Variants in BCAS4 observed in about 807,000 individuals in gnomAD.
BCAS4 encodes the protein breast carcinoma-amplified sequence 4.
BCAS4 carries 9 observed loss-of-function variants against 15.7 expected under a neutral mutation model. That is an observed-to-expected ratio of 0.57 (90% CI 0.34 to 1.00). The LOEUF is 1.00. Ranked by LOEUF, BCAS4 falls within the 50% of genes least tolerant of loss-of-function variation. The pLI is 0.02. For synonymous variants in BCAS4, 101 were observed against 99.5 expected, an observed-to-expected ratio of 1.02 and a Z score of -0.09; for missense variants, 225 against 239.1, an observed-to-expected ratio of 0.94 and a Z score of 0.39.
intron 1 of BCAS4, among the ~76,000 whole-genome samples, chr20:50,797,900 G>T: frequency 6.6e-6 from 1 of 151,800 alleles, no homozygotes. Context: ...CCTAGCCTCA[G>T]GTGATCTGCC....
At chr20:50,829,951 G>A (rs1249045298) in intron 2 of BCAS4, among the ~76,000 whole-genome samples, 1 of 152,188 alleles carries the variant, frequency 6.6e-6, no homozygotes, top group African/African-American at 2.4e-5. Flanking sequence ...TTGGTTTAGA[G>A]AAGAGATTCT....
chr20:50,843,348 A>G (rs992764836), intron 4 of BCAS4, among the ~76,000 whole-genome samples: 1 of 152,194 alleles, frequency 6.6e-6, no homozygotes, highest in African/African-American at 2.4e-5. Context: ...TGTGCTGGGT[A>G]CTAACAGTAT....
chr20:50,858,227 A>G (rs996467083), intron 4 of BCAS4, among the ~76,000 whole-genome samples: 15 of 152,238 alleles, frequency 9.9e-5, no homozygotes, highest in African/African-American at 3.6e-4. Context: ...CAGAGAATAT[A>G]TAGAGAGAAT....
intron 1 of BCAS4, among the ~76,000 whole-genome samples, chr20:50,814,339 G>A (rs1393928622): frequency 6.6e-6 from 1 of 152,204 alleles, no homozygotes; most frequent in African/African-American, 2.4e-5. Flanking sequence ...CACCCAGGAG[G>A]GCAGTGGTAC....
intron 1 of BCAS4, among the ~76,000 whole-genome samples, chr20:50,812,351 T>C (rs2088077942): frequency 2.0e-5 from 3 of 151,520 alleles, no homozygotes; most frequent in African/African-American, 4.9e-5. Context: ...GCCAGGATGG[T>C]CTCGATCTCC....
At chr20:50,835,021 G>A (rs1276355294) in intron 3 of BCAS4, among the ~76,000 whole-genome samples, 7 of 152,252 alleles carry the variant, frequency 4.6e-5, no homozygotes, top group East Asian at 1.9e-4. Context: ...GAACGTTTGC[G>A]TACAAGTTTT....
chr20:50,862,126 TCTC>T (rs1979112867), intron 4 of BCAS4, among the ~76,000 whole-genome samples: 1 of 152,026 alleles, frequency 6.6e-6, no homozygotes, highest in South Asian at 2.1e-4. Context: ...GGCCTCTCTC[TCTC>T]TTTTTGCCTC....
At chr20:50,833,945 AG>A (rs35775649) in intron 3 of BCAS4, among the ~76,000 whole-genome samples, 58 of 152,238 alleles carry the variant, frequency 3.8e-4, no homozygotes, top group African/African-American at 1.3e-3. Flanking sequence ...CTGGAACCTA[AG>A]GCCTGAGATT....
At chr20:50,872,570 C>CA (rs1166111230) in intron 4 of BCAS4, among the ~76,000 whole-genome samples, 3 of 111,850 alleles carry the variant, frequency 2.7e-5, no homozygotes, top group Admixed American at 1.7e-4. Context: ...GACTCCATCT[C>CA]AAAAAAGGAA....
At chr20:50,829,593 G>A (rs1420098456) in intron 2 of BCAS4, among the ~76,000 whole-genome samples, 2 of 151,994 alleles carry the variant, frequency 1.3e-5, no homozygotes, top group Non-Finnish European at 2.9e-5. Flanking sequence ...TGCACAGCGA[G>A]GATATGATAA....
intron 1 of BCAS4, among the ~76,000 whole-genome samples, chr20:50,812,376 G>A (rs143296314): frequency 2.7e-5 from 4 of 149,976 alleles, no homozygotes; most frequent in African/African-American, 7.4e-5. Flanking sequence ...GTTGTGATCC[G>A]CCCCCCCTTG....
chr20:50,808,211 TG>T (rs1600849196), intron 1 of BCAS4, among the ~76,000 whole-genome samples: 1 of 152,040 alleles, frequency 6.6e-6, no homozygotes, highest in East Asian at 1.9e-4. Flanking sequence ...CGCGCCCGGC[TG>T]TGCCACATAT....
intron 2 of BCAS4, among the ~76,000 whole-genome samples, chr20:50,822,306 C>T (rs1452284675): frequency 6.6e-6 from 1 of 152,230 alleles, no homozygotes; most frequent in East Asian, 1.9e-4. Context: ...CACAGTGTCA[C>T]TTCTGTTGTA....
chr20:50,861,335 C>G (rs553898582), intron 4 of BCAS4, among the ~76,000 whole-genome samples: 1 of 152,314 alleles, frequency 6.6e-6, no homozygotes, highest in Non-Finnish European at 1.5e-5. Flanking sequence ...ATCTCATTCC[C>G]TTATCGTTTC....
At chr20:50,804,612 A>G (rs1200460331) in intron 1 of BCAS4, among the ~76,000 whole-genome samples, 1 of 152,204 alleles carries the variant, frequency 6.6e-6, no homozygotes, top group African/African-American at 2.4e-5. Context: ...GGACACATGC[A>G]TTTTAGACAA....
rs1346000338 is a variant in BCAS4 at position 50,817,080 on chromosome 20, C to T, written c.91-1131C>T. Among the ~76,000 whole-genome samples, 7 of 151,484 alleles carry T rather than the reference C, an allele frequency of 4.6e-5. 1 individual carries two copies. The highest frequency in any genetic ancestry group is 1.5e-4 in the African/African-American group (6 of 41,190). On this transcript the variant is annotated intron_variant, in intron 1 of 4. Transcript: ENST00000371608. Reference sequence around the variant, plus strand: ...CCTCCCAAAGTGCTGGGATTACAGGCGTGAGCCAGTGCACCTGGGCTAATT... The same window carrying T: ...CCTCCCAAAGTGCTGGGATTACAGGTGTGAGCCAGTGCACCTGGGCTAATT...
At chr20:50,853,106 T>C (rs969768504) in intron 4 of BCAS4, among the ~76,000 whole-genome samples, 70 of 151,780 alleles carry the variant, frequency 4.6e-4, no homozygotes, top group African/African-American at 1.5e-3. Flanking sequence ...TTATATGAAG[T>C]GTCAATGAAT....
rs541514586 is a variant in BCAS4 at position 50,872,205 on chromosome 20, G to A, written c.400-4281G>A. Among the ~76,000 whole-genome samples the A allele has an allele frequency of 1.2e-3, 172 of 144,648 alleles. 1 individual carries two copies. Among genetic ancestry groups the A allele is most frequent in the African/African-American group, 4.3e-3 (165 of 38,726 alleles). The allele number at this position is 144,648 out of a possible 152,430, so 94.9% of individuals were successfully genotyped here. A position where few individuals can be genotyped will look rare whatever the true frequency, so the allele number is the denominator to read the frequency against. On this transcript the variant is annotated intron_variant, in intron 4 of 4. Coordinates refer to ENST00000371608, the MANE Select transcript of BCAS4 (RefSeq NM_198799.4). Reference sequence around the variant, plus strand: ...CTTGAACCCGGAAGGCAGAGGCTTCGGTGAGCCAAGATTGCACCATTGCAT... The same window carrying A: ...CTTGAACCCGGAAGGCAGAGGCTTCAGTGAGCCAAGATTGCACCATTGCAT...
chr20:50,812,420 T>G (rs188873966), intron 1 of BCAS4, among the ~76,000 whole-genome samples: 1 of 140,500 alleles, frequency 7.1e-6, no homozygotes, highest in Admixed American at 7.2e-5. Flanking sequence ...AGGCGTGAGC[T>G]ACTGCGTCTG....
Sources: gnomAD v4.1 joint callset for allele counts (sites outside exome capture counted in the v4.1 genomes callset) on GRCh38, gnomAD v4.1.1 for gene constraint, MANE v1.5 for transcripts, NCBI Gene and HGNC (gene_info 2026-07-23, HGNC 2026-07-21) for gene names.